NELL1: variants seen among roughly 807,000 people sequenced by gnomAD.
NELL1 encodes the protein neural EGFL like 1.
In NELL1, 76 loss-of-function variants were observed where a neutral mutation model predicts 107.4. The ratio of observed to expected loss-of-function variants is 0.71; its 90% CI spans 0.59 to 0.86. The LOEUF (loss-of-function observed/expected upper bound fraction) is 0.86. Ranked by LOEUF, NELL1 falls within the 40% of genes least tolerant of loss-of-function variation. NELL1 has a pLI of 0.00. For missense variants in NELL1, 1,024 were observed against 1,005.5 expected, an observed-to-expected ratio of 1.02 and a Z score of -0.25; for synonymous variants, 353 against 341.2, an observed-to-expected ratio of 1.03 and a Z score of -0.38.
chr11:21,430,962 AT>A, intron 15 of NELL1, among the ~76,000 whole-genome samples: 1 of 152,286 alleles, frequency 6.6e-6, no homozygotes, highest in South Asian at 2.1e-4. Flanking sequence ...TATTCAATAA[AT>A]TTTAAAACAA....
chr11:21,497,535 CATTT>C (rs1855014886), intron 15 of NELL1, among the ~76,000 whole-genome samples: 1 of 151,962 alleles, frequency 6.6e-6, no homozygotes, highest in Non-Finnish European at 1.5e-5. Flanking sequence ...AGTTATTTAT[CATTT>C]AATTGCGTTA....
At chr11:20,707,744 G>A (rs539394295) in intron 2 of NELL1, among the ~76,000 whole-genome samples, 1 of 152,212 alleles carries the variant, frequency 6.6e-6, no homozygotes, top group Non-Finnish European at 1.5e-5. Flanking sequence ...TTGTCTCAGA[G>A]GGGCACCTGG....
chr11:20,676,237 C>T (rs1453942739), intron 1 of NELL1, among the ~76,000 whole-genome samples: 5 of 150,456 alleles, frequency 3.3e-5, no homozygotes, highest in Non-Finnish European at 7.4e-5. Flanking sequence ...TTCAACCCCC[C>T]TTTCTAAAGT....
intron 11 of NELL1, among the ~76,000 whole-genome samples, chr11:20,957,902 A>T (rs977681867): frequency 6.6e-6 from 1 of 152,186 alleles, no homozygotes; most frequent in South Asian, 2.1e-4. Flanking sequence ...AATAACACAG[A>T]TGAGAGCTTG....
intron 15 of NELL1, among the ~76,000 whole-genome samples, chr11:21,524,577 GA>G (rs1394865452): frequency 6.6e-6 from 1 of 152,118 alleles, no homozygotes; most frequent in African/African-American, 2.4e-5. Context: ...ATGGAATATG[GA>G]ATAGGTGGGT....
intron 3 of NELL1, among the ~76,000 whole-genome samples, chr11:20,845,460 A>C (rs995603403): frequency 6.6e-6 from 1 of 152,188 alleles, no homozygotes; most frequent in African/African-American, 2.4e-5. Flanking sequence ...TCATTGATTG[A>C]AGCCCTTTCA....
intron 14 of NELL1, among the ~76,000 whole-genome samples, chr11:21,338,015 T>A (rs1308885298): frequency 1.3e-5 from 2 of 151,888 alleles, no homozygotes; most frequent in Non-Finnish European, 2.9e-5. Flanking sequence ...GTGCCCTAGG[T>A]GCTTTTCTTG....
At chr11:20,913,696 G>C (rs1034820284) in intron 5 of NELL1, among the ~76,000 whole-genome samples, 2 of 151,860 alleles carry the variant, frequency 1.3e-5, no homozygotes, top group Non-Finnish European at 2.9e-5. Context: ...TTTTTCTGCC[G>C]TCCATCCGTA....
chr11:20,699,942 T>A (rs1347469199), intron 2 of NELL1, among the ~76,000 whole-genome samples: 1 of 152,170 alleles, frequency 6.6e-6, no homozygotes, highest in African/African-American at 2.4e-5. Flanking sequence ...TGCCAACACC[T>A]ATAATTTTTT....
intron 15 of NELL1, among the ~76,000 whole-genome samples, chr11:21,525,387 G>T (rs1307565182): frequency 6.6e-6 from 1 of 152,182 alleles, no homozygotes; most frequent in Non-Finnish European, 1.5e-5. Context: ...ACTTTGCGGA[G>T]ATTGTTCATA....
chr11:21,408,172 G>T (rs1852280877), intron 15 of NELL1, among the ~76,000 whole-genome samples: 1 of 151,934 alleles, frequency 6.6e-6, no homozygotes. Context: ...TTAACATGAA[G>T]TCAAGGAAGC....
chr11:21,389,391 C>T (rs1343680535), intron 15 of NELL1, among the ~76,000 whole-genome samples: 1 of 151,750 alleles, frequency 6.6e-6, no homozygotes, highest in Non-Finnish European at 1.5e-5. Flanking sequence ...GTCTTTCTCT[C>T]CTCAATTCTT....
At chr11:21,496,177 A>G (rs1446385811) in intron 15 of NELL1, among the ~76,000 whole-genome samples, 1 of 151,908 alleles carries the variant, frequency 6.6e-6, no homozygotes, top group East Asian at 1.9e-4. Context: ...CAGTTGTAGT[A>G]ATTTATATTT....
At chr11:21,247,999 T>G (rs1272995872) in intron 14 of NELL1, among the ~76,000 whole-genome samples, 1 of 152,218 alleles carries the variant, frequency 6.6e-6, no homozygotes, top group East Asian at 1.9e-4. Flanking sequence ...TAGAGAAATT[T>G]CATTCCCATT....
intron 13 of NELL1, among the ~76,000 whole-genome samples, chr11:21,207,717 C>G (rs1235130187): frequency 6.6e-6 from 1 of 152,122 alleles, no homozygotes. Context: ...CAAGTTTTTA[C>G]TCTTTAGTCA....
chr11:21,401,014 G>T (rs914358947), intron 15 of NELL1, among the ~76,000 whole-genome samples: 2 of 151,912 alleles, frequency 1.3e-5, no homozygotes, highest in Non-Finnish European at 1.5e-5. Flanking sequence ...TTCACAGTAT[G>T]TATTTGAATG....
intron 14 of NELL1, among the ~76,000 whole-genome samples, chr11:21,246,429 C>T (rs1306700920): frequency 1.3e-5 from 2 of 152,134 alleles, no homozygotes; most frequent in South Asian, 2.1e-4. Flanking sequence ...ACAGACATTT[C>T]GAGCATGGAC....
chr11:20,817,775 C>G (rs555211506), intron 3 of NELL1, among the ~76,000 whole-genome samples: 1 of 151,536 alleles, frequency 6.6e-6, no homozygotes, highest in Admixed American at 6.6e-5. Flanking sequence ...GACATTTCCT[C>G]TTTATACTGC....
intron 14 of NELL1, among the ~76,000 whole-genome samples, chr11:21,259,644 A>G (rs1858855355): frequency 6.6e-6 from 1 of 151,906 alleles, no homozygotes; most frequent in African/African-American, 2.4e-5. Context: ...CACAAAAGTG[A>G]CATGCTTACA....
Sources: gnomAD v4.1 joint callset for allele counts (sites outside exome capture counted in the v4.1 genomes callset) on GRCh38, gnomAD v4.1.1 for gene constraint, MANE v1.5 for transcripts, NCBI Gene and HGNC (gene_info 2026-07-23, HGNC 2026-07-21) for gene names.